PPP1R14C: variants seen among roughly 807,000 people sequenced by gnomAD.
The protein encoded by PPP1R14C is protein phosphatase 1 regulatory inhibitor subunit 14C.
In PPP1R14C, 16 loss-of-function variants were observed where a neutral mutation model predicts 20.4. That is an observed-to-expected ratio of 0.78 (90% CI 0.53 to 1.19). The LOEUF (loss-of-function observed/expected upper bound fraction) is 1.19. Among genes scored for constraint, PPP1R14C ranks in the 50% most tolerant of loss-of-function variants. The pLI is 0.00. For synonymous variants in PPP1R14C, 91 were observed against 91.0 expected (o/e 1.00, Z 0.00); for missense variants, 211 against 220.1 (o/e 0.96, Z 0.26).
At position 150,148,417 on chromosome 6, in the gene PPP1R14C, T is replaced by C. The variant is rs951089847; in HGVS notation, c.306+4919T>C. On this transcript the variant is annotated intron_variant, in intron 1 of 3. Coordinates refer to ENST00000361131, the MANE Select transcript of PPP1R14C (RefSeq NM_030949.3). ...GAGACAGGGCAGAGCCTGGCACCTA[T>C]GTGAACCCCATGGTTTGCCTGTTCC... Among the ~76,000 whole-genome samples the C allele has an allele frequency of 2.0e-5, 3 of 152,218 alleles. No homozygotes were observed. In the South Asian group the frequency reaches 6.2e-4, roughly 31 times the overall value.
intron 3 of PPP1R14C, among the ~76,000 whole-genome samples, chr6:150,221,660 T>C (rs1778168868): frequency 6.6e-6 from 1 of 152,210 alleles, no homozygotes; most frequent in South Asian, 2.1e-4. Flanking sequence ...ATGCCAATGC[T>C]AGCACTAACT....
chr6:150,167,637 G>A (rs878861843), intron 1 of PPP1R14C, among the ~76,000 whole-genome samples: 2 of 152,080 alleles, frequency 1.3e-5, no homozygotes, highest in Admixed American at 1.3e-4. Context: ...GACAGTAAGG[G>A]AGGAGACAGA....
At chr6:150,176,005 G>A (rs6936348) in intron 1 of PPP1R14C, among the ~76,000 whole-genome samples, 107,686 of 152,182 alleles carry the variant, frequency 0.71, 38,751 homozygotes, top group South Asian at 0.86. Context: ...CTACTAAAGG[G>A]GAATTCAGAA....
intron 3 of PPP1R14C, among the ~76,000 whole-genome samples, chr6:150,234,945 A>G (rs1778340648): frequency 6.6e-6 from 1 of 151,992 alleles, no homozygotes; most frequent in African/African-American, 2.4e-5. Context: ...GAGTGAAAGA[A>G]GCCAAGTAAA....
In PPP1R14C at chr6:150,214,117, A is replaced by G. The variant is rs142181463; in HGVS notation, c.307-627A>G. On this transcript the variant is annotated intron_variant, in intron 1 of 3. Coordinates refer to ENST00000361131, the MANE Select transcript of PPP1R14C (RefSeq NM_030949.3). ...CAGCGCCTTTTCCCAGAGCCCCCTT[A>G]GTTCTTAGTTGGACCACGTGTCTTC... is the stretch of plus-strand genomic sequence containing the variant. 2.0e-3 allele frequency among the ~76,000 whole-genome samples: 306 copies of G among 152,284 alleles called. 3 individuals are homozygous for G. The highest frequency in any genetic ancestry group is 6.8e-3 in the African/African-American group (281 of 41,566).
intron 1 of PPP1R14C, among the ~76,000 whole-genome samples, chr6:150,212,828 C>G (rs1167671026): frequency 6.6e-6 from 1 of 152,154 alleles, no homozygotes. Flanking sequence ...AATATGCTGT[C>G]CGGGTTTACA....
At chr6:150,174,979 AAAGT>A (rs1374655615) in intron 1 of PPP1R14C, among the ~76,000 whole-genome samples, 3 of 152,038 alleles carry the variant, frequency 2.0e-5, no homozygotes, top group Admixed American at 1.3e-4. Context: ...AAAAAAAAAA[AAAGT>A]AGTGAAGAGG....
intron 1 of PPP1R14C, among the ~76,000 whole-genome samples, chr6:150,174,361 C>A (rs112406692): frequency 0.033 from 4,957 of 151,988 alleles, 164 homozygotes; most frequent in East Asian, 0.088. Flanking sequence ...CTGGGACTAC[C>A]GGTGCCCCCC....
Position 150,248,913 on chromosome 6 carries a change from T to A in PPP1R14C, c.*93T>A, listed in dbSNP as rs1259716073. 8.5e-6 allele frequency: 6 copies of A among 703,632 alleles called. No homozygotes were observed. The highest frequency in any genetic ancestry group is 5.6e-5 in the East Asian group (2 of 35,668). 43.6% of individuals were successfully genotyped at this position (703,632 alleles called of 1,614,324 possible). A position where few individuals can be genotyped will look rare whatever the true frequency, so the allele number is the denominator to read the frequency against. On this transcript the variant is annotated 3_prime_UTR_variant, in exon 4 of 4. Transcript: ENST00000361131. ...TTTTGTGAAAGAATAGGTGTCCTTA[T>A]GAACAACGTTTTTGTTTTTTTTTTT...
intron 1 of PPP1R14C, among the ~76,000 whole-genome samples, chr6:150,168,878 A>AATT (rs1002853084): frequency 6.6e-6 from 1 of 152,082 alleles, no homozygotes; most frequent in Admixed American, 6.5e-5. Flanking sequence ...ATCGATAGAA[A>AATT]ATTATTATTA....
Position 150,249,477 on chromosome 6 carries a change from T to C in PPP1R14C, c.*657T>C, listed in dbSNP as rs1778535753. On this transcript the variant is annotated 3_prime_UTR_variant, in exon 4 of 4. Coordinates refer to ENST00000361131, the MANE Select transcript of PPP1R14C (RefSeq NM_030949.3). ...TGCACTACACCACAGAAATGTTAAG[T>C]TGGTCAAGGGCTTAATTTATGGAAT... 1.0e-5 allele frequency: 4 copies of C among 398,636 alleles called. No homozygotes were observed. Among genetic ancestry groups the C allele is most frequent in the Non-Finnish European group, 1.8e-5 (4 of 226,068 alleles). The allele number at this position is 398,636 out of a possible 1,614,324, so 24.7% of individuals were successfully genotyped here. A position where few individuals can be genotyped will look rare whatever the true frequency, so the allele number is the denominator to read the frequency against.
intron 1 of PPP1R14C, among the ~76,000 whole-genome samples, chr6:150,144,438 A>C (rs1189368262): frequency 1.3e-5 from 2 of 152,280 alleles, no homozygotes; most frequent in African/African-American, 4.8e-5. Context: ...CATCTTGAAT[A>C]ACAGTTATTA....
intron 3 of PPP1R14C, among the ~76,000 whole-genome samples, chr6:150,218,412 A>C (rs1337478758): frequency 6.6e-6 from 1 of 151,974 alleles, no homozygotes; most frequent in Non-Finnish European, 1.5e-5. Context: ...CAGAAAAAAA[A>C]AGAAAAAAGA....
In PPP1R14C at chr6:150,193,191, C is replaced by T. The variant is rs560814170; in HGVS notation, c.307-21553C>T. On this transcript the variant is annotated intron_variant, in intron 1 of 3. Coordinates refer to ENST00000361131, the MANE Select transcript of PPP1R14C (RefSeq NM_030949.3). ...CAAATCTCCTGATTATCCAAATCAC[C>T]GAGGGAGCTTTAAAAAGTCACTCAA... Among the ~76,000 whole-genome samples, 9 of 152,040 alleles carry T rather than the reference C, an allele frequency of 5.9e-5. No homozygotes were observed. In the South Asian group the frequency reaches 1.0e-3, roughly 18 times the overall value.
chr6:150,179,748 C>G (rs1003449089), intron 1 of PPP1R14C, among the ~76,000 whole-genome samples: 23 of 152,186 alleles, frequency 1.5e-4, no homozygotes, highest in Non-Finnish European at 2.6e-4. Flanking sequence ...CAATTATATC[C>G]ATGCATAGAA....
chr6:150,227,337 A>G (rs1778242239), intron 3 of PPP1R14C, among the ~76,000 whole-genome samples: 1 of 152,156 alleles, frequency 6.6e-6, no homozygotes, highest in Non-Finnish European at 1.5e-5. Flanking sequence ...TTCTACATCC[A>G]TTTTTAAAGC....
intron 1 of PPP1R14C, among the ~76,000 whole-genome samples, chr6:150,204,139 C>G (rs1294842137): frequency 6.6e-6 from 1 of 152,224 alleles, no homozygotes; most frequent in East Asian, 1.9e-4. Context: ...CCACTGTGTC[C>G]AGTGCTTTCA....
chr6:150,199,731 T>TG (rs1777853012), intron 1 of PPP1R14C, among the ~76,000 whole-genome samples: 1 of 152,102 alleles, frequency 6.6e-6, no homozygotes, highest in Non-Finnish European at 1.5e-5. Flanking sequence ...TAGCCAGGCT[T>TG]AGTGGCACGC....
chr6:150,196,107 C>G, intron 1 of PPP1R14C: 2 of 985,402 alleles, frequency 2.0e-6, no homozygotes, highest in Non-Finnish European at 2.4e-6. Context: ...ATAGGAGCAT[C>G]AATGGGGCCT....
Sources: allele counts gnomAD v4.1 joint callset (sites outside exome capture counted in the v4.1 genomes callset), GRCh38; gene constraint gnomAD v4.1.1; transcripts MANE v1.5; gene names NCBI Gene and HGNC (gene_info 2026-07-23, HGNC 2026-07-21).